AGTRAP: variants seen among roughly 807,000 people sequenced by gnomAD.
The protein encoded by AGTRAP is angiotensin II receptor associated protein, also known as type-1 angiotensin II receptor-associated protein.
Under a neutral mutation model 15.2 loss-of-function variants are expected in AGTRAP, and 7 were observed. The ratio of observed to expected loss-of-function variants is 0.46; its 90% confidence interval spans 0.26 to 0.87. AGTRAP has a LOEUF of 0.87. Ranked by LOEUF, AGTRAP falls within the 40% of genes least tolerant of loss-of-function variation. The pLI, the probability that AGTRAP is intolerant of heterozygous loss-of-function variation, is 0.15. For missense variants in AGTRAP, 187 were observed against 213.4 expected, an observed-to-expected ratio of 0.88 and a Z score of 0.77; for synonymous variants, 74 against 89.6, an observed-to-expected ratio of 0.83 and a Z score of 0.98.
intron 3 of AGTRAP, 35 bp from the exon 4 acceptor site, chr1:11,748,380 G>C (rs750840860): frequency 6.3e-7 from 1 of 1,592,600 alleles, no homozygotes; most frequent in South Asian, 1.1e-5. Flanking sequence ...AGCGTGGTGG[G>C]GGTGTTGTGC....
rs767729441 is a variant in AGTRAP, at chr1:11,744,587, G to T, written c.28-1216G>T. ...CCCTCACGTGAGTCCCCACCGCTCCGCTTCCCATCGAGGCCTCTTCTGATT... is the reference window on the plus strand; with the variant it reads ...CCCTCACGTGAGTCCCCACCGCTCCTCTTCCCATCGAGGCCTCTTCTGATT... On this transcript the variant is annotated intron_variant, in intron 1 of 4. Transcript: ENST00000314340. 1.1e-5 allele frequency: 8 copies of T among 714,472 alleles called. No individual in the cohort carries two copies. In the Admixed American group the frequency reaches 1.4e-4, roughly 13 times the overall value. The allele number at this position is 714,472 out of a possible 1,614,324, so 44.3% of individuals were successfully genotyped here.
chr1:11,739,656 C>T (rs551906608), intron 1 of AGTRAP, among the ~76,000 whole-genome samples: 138 of 152,342 alleles, frequency 9.1e-4, no homozygotes, highest in African/African-American at 3.0e-3. Context: ...CTTAATCTCT[C>T]AGAGCCTCAG....
chr1:11,742,469 CTTCCTTTTCT>C (rs1642056423), intron 1 of AGTRAP, among the ~76,000 whole-genome samples: 1 of 148,936 alleles, frequency 6.7e-6, no homozygotes, highest in South Asian at 2.1e-4. Flanking sequence ...TCCTTCTTTC[CTTCCTTTTCT>C]TTCTTTTTCT....
At chr1:11,748,680 C>T (rs2100780293) in intron 4 of AGTRAP, 70 bp downstream of exon 4, 1 of 1,532,166 alleles carries the variant, frequency 6.5e-7, no homozygotes, top group East Asian at 2.3e-5. Context: ...CAGCCTCTCC[C>T]TCAGTGAGCC....
Position 11,748,307 on chromosome 1 carries a change from G to A in AGTRAP, c.169-108G>A. 3 of 1,259,052 alleles carry A rather than the reference G, an allele frequency of 2.4e-6. No homozygotes were observed. The South Asian group carries it at 4.2e-5, about 17-fold the overall frequency. 78.0% of individuals were successfully genotyped at this position (1,259,052 alleles called of 1,614,324 possible). ...GCTTGCTTGATCCATTTTCCCGCAA[G>A]CCCCAAGGACACAGCAGGGCATGAA... On this transcript the variant is annotated intron_variant, in intron 3 of 4. Transcript: ENST00000314340.
chr1:11,738,154 C>G (rs1348323408), intron 1 of AGTRAP, among the ~76,000 whole-genome samples: 6 of 152,168 alleles, frequency 3.9e-5, no homozygotes, highest in African/African-American at 1.4e-4. Flanking sequence ...AGGGGATGTT[C>G]TGAGTTCAGA....
At chr1:11,747,345 ATGT>A in intron 2 of AGTRAP, 92 bp from the exon 3 acceptor site, 1 of 1,144,282 alleles carries the variant, frequency 8.7e-7, no homozygotes, top group Non-Finnish European at 1.3e-6. Flanking sequence ...AGACTATGGC[ATGT>A]TCTGGGAGGA....
At chr1:11,743,203 C>T (rs1642074421) in intron 1 of AGTRAP, among the ~76,000 whole-genome samples, 1 of 152,142 alleles carries the variant, frequency 6.6e-6, no homozygotes, top group Admixed American at 6.5e-5. Flanking sequence ...CCTTTGGAAG[C>T]TCTTTCTGCA....
intron 1 of AGTRAP, 129 bp downstream of exon 1, chr1:11,736,364 A>C: frequency 2.3e-6 from 3 of 1,301,562 alleles, no homozygotes; most frequent in Non-Finnish European, 3.2e-6. Flanking sequence ...GAAGGTACAG[A>C]CCCCACGCAA....
At position 11,737,487 on chromosome 1, in the gene AGTRAP, T is replaced by G. The variant is rs866190722; in HGVS notation, c.27+1252T>G. 2.6e-5 allele frequency among the ~76,000 whole-genome samples: 4 copies of G among 152,330 alleles called. No individual in the cohort carries two copies. In the South Asian group the frequency reaches 8.3e-4, roughly 32 times the overall value. On this transcript the variant is annotated intron_variant, in intron 1 of 4. Transcript: ENST00000314340. ...GGGACAGAGCTCTAATTTATGGGCT[T>G]CTGTGGTGTGCCAGGTTATTTAATC...
intron 3 of AGTRAP, among the ~76,000 whole-genome samples, chr1:11,747,897 G>C (rs1356747048): frequency 1.3e-5 from 2 of 152,198 alleles, no homozygotes; most frequent in African/African-American, 2.4e-5. Flanking sequence ...AGGGGATATG[G>C]CTGGGAGACC....
Position 11,748,468 on chromosome 1 carries a change from C to A in AGTRAP, c.222C>A (p.Ile74=). 1 of 1,613,910 alleles carries A rather than the reference C, an allele frequency of 6.2e-7. No individual in the cohort carries two copies. ...TCCTGGACATCGTGCACATCAGCAT[C>A]TTCTACCCGCGGGTCAGCCTCACGG... is the stretch of plus-strand genomic sequence containing the variant. ...TIFLDIVHIS[I]FYPRVSLTDT... The change falls in exon 4 of 5, where the codon ATC becomes ATA. Residue 74 remains isoleucine (I), a synonymous_variant. Coordinates refer to ENST00000314340, the MANE Select transcript of AGTRAP (RefSeq NM_020350.5).
chr1:11,747,568 C>T (rs1441242183), intron 3 of AGTRAP, 23 bp downstream of exon 3: 53 of 1,610,106 alleles, frequency 3.3e-5, no homozygotes, highest in Non-Finnish European at 4.0e-5. Flanking sequence ...GGGGGAGAGG[C>T]GGCAAGGCGG....
chr1:11,747,995 C>T (rs778196651), intron 3 of AGTRAP, among the ~76,000 whole-genome samples: 5 of 152,170 alleles, frequency 3.3e-5, no homozygotes, highest in Non-Finnish European at 5.9e-5. Flanking sequence ...TCAGCACCCA[C>T]GGAGCCCCGT....
chr1:11,747,350 C>A, intron 2 of AGTRAP, 90 bp from the exon 3 acceptor site: 1 of 1,215,048 alleles, frequency 8.2e-7, no homozygotes, highest in South Asian at 1.2e-5. Context: ...ATGGCATGTT[C>A]TGGGAGGAGG....
In AGTRAP at chr1:11,747,463, C is replaced by T. The variant is rs1421005786; in HGVS notation, c.86C>T (p.Ser29Phe). Residue 29 changes from serine (S) to phenylalanine (F), a missense_variant, in exon 3 of 5, where the codon TCC (serine) becomes TTC (phenylalanine). By Grantham distance (155) the Ser-to-Phe change is radical. Transcript: ENST00000314340. The part of the protein sequence containing the change: ...TTWGCIVFSG[S>F]YAWANFTILA... The stretch of plus-strand genomic sequence containing the variant: ...AGGGGCTGCATTGTATTCTCAGGCT[C>T]CTATGCCTGGGCCAACTTCACCATC... The T allele has an allele frequency of 6.2e-7, 1 of 1,614,150 alleles. No individual in the cohort carries two copies. Among genetic ancestry groups the T allele is most frequent in the Non-Finnish European group, 8.5e-7 (1 of 1,179,984 alleles).
At position 11,745,962 on chromosome 1, in the gene AGTRAP, G is replaced by C. The variant is rs1193621237; in HGVS notation, c.62+125G>C. 2 of 1,403,108 alleles carry C rather than the reference G, an allele frequency of 1.4e-6. No homozygotes were observed. The highest frequency in any genetic ancestry group is 2.0e-6 in the Non-Finnish European group (2 of 989,650). 86.9% of individuals were successfully genotyped at this position (1,403,108 alleles called of 1,614,324 possible). A position where few individuals can be genotyped will look rare whatever the true frequency, so the allele number is the denominator to read the frequency against. The stretch of plus-strand genomic sequence containing the variant: ...TGGGCCAGACAGCTCTGCCTCTCCG[G>C]GTCTTGATTTCCGTCTGTACAATAG... On this transcript the variant is annotated intron_variant, in intron 2 of 4. Coordinates refer to ENST00000314340, the MANE Select transcript of AGTRAP (RefSeq NM_020350.5). This position sits in a 1 kb window ranked among gnomAD's most constrained non-coding sequence, Gnocchi z 4.2.
chr1:11,744,356 A>G (rs1163830731), intron 1 of AGTRAP, among the ~76,000 whole-genome samples: 3 of 152,146 alleles, frequency 2.0e-5, no homozygotes, highest in Non-Finnish European at 4.4e-5. Flanking sequence ...TTTCCTTACC[A>G]TAAGGCATAC....
intron 1 of AGTRAP, among the ~76,000 whole-genome samples, chr1:11,737,925 A>C (rs1044378388): frequency 2.6e-5 from 4 of 151,918 alleles, no homozygotes; most frequent in African/African-American, 9.7e-5. Context: ...CTGAGGGGTC[A>C]GGGTTGTCAG....
Sources: allele counts gnomAD v4.1 joint callset (sites outside exome capture counted in the v4.1 genomes callset), GRCh38; gene constraint gnomAD v4.1.1; non-coding constraint Gnocchi (gnomAD v3.1); transcripts MANE v1.5; gene names NCBI Gene and HGNC (gene_info 2026-07-23, HGNC 2026-07-21).